The following CFAP299 variants were observed in gnomAD, a reference collection of about 807,000 sequenced individuals.
CFAP299 encodes the protein cilia and flagella associated protein 299, also known as cilia- and flagella-associated protein 299.
A neutral mutation model predicts 27.0 loss-of-function variants in CFAP299; 21 were observed. The observed-to-expected ratio is 0.78, with a 90% CI of 0.55 to 1.12. CFAP299 has a LOEUF of 1.12. Ranked by LOEUF, CFAP299 falls within the 50% of genes most tolerant of loss-of-function variation. The pLI is 0.00. For synonymous variants in CFAP299, 104 were observed against 98.1 expected (o/e 1.06, Z -0.36); for missense variants, 310 against 276.6 (o/e 1.12, Z -0.86).
chr4:80,709,993 G>A (rs1380618659), intron 3 of CFAP299, among the ~76,000 whole-genome samples: 1 of 152,186 alleles, frequency 6.6e-6, no homozygotes, highest in Non-Finnish European at 1.5e-5. Flanking sequence ...TCTAGGGCAA[G>A]CTGCTTAATA....
chr4:80,449,640 C>T (rs997463176), intron 2 of CFAP299, among the ~76,000 whole-genome samples: 1 of 151,502 alleles, frequency 6.6e-6, no homozygotes, highest in Admixed American at 6.6e-5. Flanking sequence ...TATATTTTCT[C>T]AGTTTTCTAG....
intron 3 of CFAP299, among the ~76,000 whole-genome samples, chr4:80,706,317 C>T (rs2110032211): frequency 6.6e-6 from 1 of 151,534 alleles, no homozygotes; most frequent in South Asian, 2.1e-4. Context: ...TCCAGAACCC[C>T]CCTGTATTGT....
chr4:80,524,759 T>C (rs776965899), intron 2 of CFAP299, among the ~76,000 whole-genome samples: 3 of 152,192 alleles, frequency 2.0e-5, no homozygotes, highest in Non-Finnish European at 4.4e-5. Flanking sequence ...CATCTATTGA[T>C]ATGTAACAAG....
chr4:80,925,565 T>A (rs184210511), intron 4 of CFAP299, among the ~76,000 whole-genome samples: 1 of 151,896 alleles, frequency 6.6e-6, no homozygotes, highest in East Asian at 1.9e-4. Context: ...TGACAACCCA[T>A]ACACCTGCAA....
At chr4:80,692,489 C>T (rs1439759802) in intron 3 of CFAP299, among the ~76,000 whole-genome samples, 2 of 152,112 alleles carry the variant, frequency 1.3e-5, no homozygotes, top group Non-Finnish European at 2.9e-5. Context: ...ACTGGCTAGC[C>T]ATATGTAGAA....
chr4:80,582,514 G>C (rs539908549), intron 2 of CFAP299, among the ~76,000 whole-genome samples: 1 of 151,764 alleles, frequency 6.6e-6, no homozygotes, highest in Non-Finnish European at 1.5e-5. Context: ...CTATTATGTG[G>C]TTCAGTTTTG....
At chr4:80,543,456 A>C (rs1734095466) in intron 2 of CFAP299, among the ~76,000 whole-genome samples, 1 of 152,258 alleles carries the variant, frequency 6.6e-6, no homozygotes, top group Admixed American at 6.5e-5. Context: ...CAGGGAAAGC[A>C]GTAAAATAAC....
intron 3 of CFAP299, among the ~76,000 whole-genome samples, chr4:80,689,304 T>C (rs1720475424): frequency 6.6e-6 from 1 of 151,470 alleles, no homozygotes; most frequent in South Asian, 2.1e-4. Context: ...AAGGTCGGGT[T>C]ACCCTCAAAG....
chr4:80,611,810 C>T (rs747418113), intron 3 of CFAP299, among the ~76,000 whole-genome samples: 2 of 152,012 alleles, frequency 1.3e-5, no homozygotes, highest in Non-Finnish European at 2.9e-5. Context: ...AACCCTGTCA[C>T]TCACTATTGT....
At chr4:80,887,125 A>C (rs1734010570) in intron 4 of CFAP299, among the ~76,000 whole-genome samples, 1 of 152,202 alleles carries the variant, frequency 6.6e-6, no homozygotes, top group Non-Finnish European at 1.5e-5. Flanking sequence ...TATTGGCCTT[A>C]AAGAGGAGGT....
intron 2 of CFAP299, among the ~76,000 whole-genome samples, chr4:80,377,994 A>G (rs770240005): frequency 2.0e-5 from 3 of 152,166 alleles, no homozygotes; most frequent in Non-Finnish European, 4.4e-5. Flanking sequence ...CTTATTCACT[A>G]TCACAAGAAT....
chr4:80,556,339 G>C (rs1370083849), intron 2 of CFAP299, among the ~76,000 whole-genome samples: 1 of 151,948 alleles, frequency 6.6e-6, no homozygotes, highest in Non-Finnish European at 1.5e-5. Flanking sequence ...GATGACAAAA[G>C]TCTTAAGACA....
chr4:80,328,352 A>C, the CFAP299 span, among the ~76,000 whole-genome samples: 2,721 of 152,286 alleles, frequency 0.018, 37 homozygotes, highest in Non-Finnish European at 0.027. Flanking sequence ...AATGTGACTA[A>C]CAGCAGGATG....
intron 2 of CFAP299, among the ~76,000 whole-genome samples, chr4:80,567,752 A>ATATATATATATATATAT (rs1560628779): frequency 6.9e-6 from 1 of 144,076 alleles, no homozygotes; most frequent in Admixed American, 6.9e-5. Flanking sequence ...TATATATATA[A>ATATATATATATATATAT]GTACATAAGA....
At chr4:80,644,489 TTCAGTGG>T (rs2109962518) in intron 3 of CFAP299, among the ~76,000 whole-genome samples, 1 of 152,310 alleles carries the variant, frequency 6.6e-6, no homozygotes, top group African/African-American at 2.4e-5. Context: ...AACAATTTCA[TTCAGTGG>T]TTCTTTCCAT....
intron 2 of CFAP299, among the ~76,000 whole-genome samples, chr4:80,391,198 T>C (rs752963274): frequency 3.9e-5 from 6 of 152,134 alleles, no homozygotes; most frequent in Non-Finnish European, 5.9e-5. Flanking sequence ...AGTGCAGATA[T>C]CTTTTCAACA....
At chr4:80,346,494 G>A (rs1170242632) in intron 1 of CFAP299, among the ~76,000 whole-genome samples, 3 of 152,086 alleles carry the variant, frequency 2.0e-5, no homozygotes, top group Admixed American at 2.0e-4. Flanking sequence ...TCTACATATG[G>A]CCAGACAGTT....
chr4:80,602,275 A>C (rs1737395640), intron 3 of CFAP299, among the ~76,000 whole-genome samples: 1 of 152,270 alleles, frequency 6.6e-6, no homozygotes, highest in African/African-American at 2.4e-5. Context: ...AAGGCAGTTA[A>C]GAAATGCTAG....
At chr4:80,526,386 TA>T (rs1193295686) in intron 2 of CFAP299, among the ~76,000 whole-genome samples, 1 of 152,168 alleles carries the variant, frequency 6.6e-6, no homozygotes, top group Non-Finnish European at 1.5e-5. Flanking sequence ...ACTACCCAGT[TA>T]AAAGAATCTT....
Sources: allele counts gnomAD v4.1 joint callset (sites outside exome capture counted in the v4.1 genomes callset), GRCh38; gene constraint gnomAD v4.1.1; transcripts MANE v1.5; gene names NCBI Gene and HGNC (gene_info 2026-07-23, HGNC 2026-07-21).